PDIA6: variants seen among roughly 807,000 people sequenced by gnomAD.
PDIA6 encodes protein disulfide-isomerase A6.
PDIA6 carries 29 observed loss-of-function variants against 58.4 expected under a neutral mutation model. The observed-to-expected ratio is 0.50, with a 90% CI of 0.37 to 0.68. The LOEUF is 0.68. Ranked by LOEUF, PDIA6 falls within the 30% of genes least tolerant of loss-of-function variation. The probability of loss-of-function intolerance (pLI) is 0.00; values close to 1 mark genes in which losing one functional copy is unlikely to be tolerated. For missense variants in PDIA6, 480 were observed against 551.0 expected (o/e 0.87, Z 1.29); for synonymous variants, 192 against 202.6 (o/e 0.95, Z 0.44).
chr2:10,788,024 C>T (rs540286976), intron 10 of PDIA6, among the ~76,000 whole-genome samples: 2 of 144,170 alleles, frequency 1.4e-5, no homozygotes, highest in East Asian at 4.2e-4. Context: ...CGAGATTGTG[C>T]CACTGCACTC....
intron 11 of PDIA6, among the ~76,000 whole-genome samples, chr2:10,786,313 G>C (rs541083084): frequency 2.4e-5 from 3 of 124,492 alleles, no homozygotes; most frequent in African/African-American, 4.2e-5. Flanking sequence ...ACTCTGTCTC[G>C]GGGGTGGGGG....
intron 1 of PDIA6, chr2:10,823,452 C>T (rs1260921765): frequency 6.6e-6 from 1 of 152,224 alleles, no homozygotes; most frequent in Non-Finnish European, 1.5e-5. Context: ...CTATTCAGTG[C>T]CTAGGTGCTC....
intron 1 of PDIA6, among the ~76,000 whole-genome samples, chr2:10,809,243 G>A (rs1169572791): frequency 6.6e-6 from 1 of 152,154 alleles, no homozygotes; most frequent in Non-Finnish European, 1.5e-5. Context: ...ATATATGTTT[G>A]CATTATATTT....
At chr2:10,831,243 T>C (rs1000921962) in intron 1 of PDIA6, among the ~76,000 whole-genome samples, 7 of 152,202 alleles carry the variant, frequency 4.6e-5, no homozygotes, top group African/African-American at 1.4e-4. Flanking sequence ...CTTGACCCCG[T>C]GGCCAGGGCT....
intron 1 of PDIA6, among the ~76,000 whole-genome samples, chr2:10,808,149 GAAAGA>G (rs1666836873): frequency 6.6e-6 from 1 of 152,222 alleles, no homozygotes; most frequent in Admixed American, 6.5e-5. Flanking sequence ...TCATTCAGAG[GAAAGA>G]ATAGATTTAT....
chr2:10,822,408 G>A (rs1018834717), intron 1 of PDIA6, among the ~76,000 whole-genome samples: 3 of 152,062 alleles, frequency 2.0e-5, no homozygotes, highest in Non-Finnish European at 2.9e-5. Flanking sequence ...GACTACAGGC[G>A]CCCGCCACGA....
chr2:10,833,178 A>G (rs1425847725), upstream of PDIA6, among the ~76,000 whole-genome samples: 2 of 152,194 alleles, frequency 1.3e-5, no homozygotes, highest in African/African-American at 4.8e-5. Context: ...CTCCCTCGAC[A>G]GGCCAGTTCC....
intron 10 of PDIA6, among the ~76,000 whole-genome samples, chr2:10,787,969 G>C (rs1027698023): frequency 6.6e-6 from 1 of 151,764 alleles, no homozygotes; most frequent in Non-Finnish European, 1.5e-5. Flanking sequence ...AGGAGGCTAA[G>C]GCAGGAGGAT....
chr2:10,813,872 A>G (rs1034677601), upstream of PDIA6, among the ~76,000 whole-genome samples: 1 of 151,292 alleles, frequency 6.6e-6, no homozygotes, highest in African/African-American at 2.4e-5. Flanking sequence ...TGACAGGTGC[A>G]TGTCACCACG....
At chr2:10,831,057 T>C (rs1667698311) in intron 1 of PDIA6, among the ~76,000 whole-genome samples, 1 of 152,230 alleles carries the variant, frequency 6.6e-6, no homozygotes, top group South Asian at 2.1e-4. Context: ...CGCAGCGGAC[T>C]CCGCTCTGCT....
intron 1 of PDIA6, among the ~76,000 whole-genome samples, chr2:10,810,959 T>G (rs114808040): frequency 2.2e-3 from 334 of 152,220 alleles, no homozygotes; most frequent in Non-Finnish European, 4.0e-3. Flanking sequence ...CCATCTGTGG[T>G]TTTCCATTCC....
upstream of PDIA6, among the ~76,000 whole-genome samples, chr2:10,813,669 C>G (rs1667102994): frequency 6.6e-6 from 1 of 151,486 alleles, no homozygotes; most frequent in South Asian, 2.1e-4. Context: ...GAGTTTTGCC[C>G]TTGTTGCCCA....
upstream of PDIA6, among the ~76,000 whole-genome samples, chr2:10,835,784 G>C (rs1667819890): frequency 6.6e-6 from 1 of 152,202 alleles, no homozygotes; most frequent in African/African-American, 2.4e-5. Context: ...GGGCGCGGTG[G>C]CTCACGCCTG....
intron 1 of PDIA6, chr2:10,810,142 A>G: frequency 1.4e-6 from 1 of 691,542 alleles, no homozygotes; most frequent in Non-Finnish European, 2.6e-6. Flanking sequence ...TTTTCTAAAC[A>G]TTTTGCATAT....
At chr2:10,834,721 C>CCCTTCCCTCCCT (rs1667788773), upstream of PDIA6, among the ~76,000 whole-genome samples, 4 of 45,470 alleles carry the variant, frequency 8.8e-5, no homozygotes, top group African/African-American at 2.5e-4. Flanking sequence ...CTCCCTCCCT[C>CCCTTCCCTCCCT]CCTTCCTTCC....
intron 4 of PDIA6, 41 bp from the exon 5 acceptor site, chr2:10,793,243 C>A (rs1356361928): frequency 1.5e-6 from 2 of 1,375,806 alleles, no homozygotes; most frequent in African/African-American, 1.4e-5. Context: ...GCCCGGCCTT[C>A]AGCAAGTGCC....
chr2:10,784,355 A>G (rs1200977037), intron 12 of PDIA6, 29 bp from the exon 13 acceptor site: 2 of 1,592,996 alleles, frequency 1.3e-6, no homozygotes, highest in Non-Finnish European at 1.7e-6. Flanking sequence ...CCACTGTTAG[A>G]TCTGCAGAAG....
At chr2:10,793,687 G>A (rs1471705202) in intron 4 of PDIA6, among the ~76,000 whole-genome samples, 3 of 152,110 alleles carry the variant, frequency 2.0e-5, no homozygotes, top group South Asian at 2.1e-4. Flanking sequence ...TAAGTTTTAC[G>A]TAGTGTGAAC....
At chr2:10,793,451 G>C (rs182733166) in intron 4 of PDIA6, among the ~76,000 whole-genome samples, 3 of 152,142 alleles carry the variant, frequency 2.0e-5, no homozygotes, top group African/African-American at 4.8e-5. Flanking sequence ...GTCTCACCCT[G>C]TTGCCCAGGC....
Sources: allele counts gnomAD v4.1 joint callset (sites outside exome capture counted in the v4.1 genomes callset), GRCh38; gene constraint gnomAD v4.1.1; transcripts MANE v1.5; gene names NCBI Gene and HGNC (gene_info 2026-07-23, HGNC 2026-07-21).